Variants in FGGY observed in about 807,000 individuals in gnomAD.
FGGY encodes the protein FGGY carbohydrate kinase domain containing.
FGGY carries 72 observed loss-of-function variants against 71.3 expected under a neutral mutation model. That is an observed-to-expected ratio of 1.01 (90% confidence interval 0.84 to 1.23). The LOEUF (loss-of-function observed/expected upper bound fraction) is 1.23, where lower values mean the gene tolerates loss of function less well. Among genes scored for constraint, FGGY ranks in the 50% most tolerant of loss-of-function variants. The pLI is 0.00. For missense variants in FGGY, 668 were observed against 682.3 expected, an observed-to-expected ratio of 0.98 and a Z score of 0.23; for synonymous variants, 251 against 250.3, an observed-to-expected ratio of 1.00 and a Z score of -0.02.
chr1:59,535,383 G>T (rs1313976106), intron 7 of FGGY, among the ~76,000 whole-genome samples: 1 of 152,036 alleles, frequency 6.6e-6, no homozygotes, highest in East Asian at 1.9e-4. Flanking sequence ...ATTAATAATG[G>T]GAGACTTTAA....
chr1:59,679,755 T>C (rs2097477053), intron 14 of FGGY, among the ~76,000 whole-genome samples: 1 of 152,178 alleles, frequency 6.6e-6, no homozygotes, highest in South Asian at 2.1e-4. Context: ...ACCTTTTTCC[T>C]ATACTCAAAA....
intron 9 of FGGY, among the ~76,000 whole-genome samples, chr1:59,622,801 CA>C (rs544703169): frequency 5.9e-5 from 9 of 152,236 alleles, no homozygotes; most frequent in Middle Eastern, 3.4e-3. Flanking sequence ...CACCCATGGG[CA>C]AAAATGTATA....
intron 15 of FGGY, 77 bp downstream of exon 15, chr1:59,758,069 A>G (rs1327956387): frequency 9.6e-7 from 1 of 1,046,324 alleles, no homozygotes; most frequent in Admixed American, 2.3e-5. Context: ...TAGATCTGGA[A>G]TAAACTCAGG....
intron 7 of FGGY, among the ~76,000 whole-genome samples, chr1:59,545,540 A>G (rs2095507373): frequency 6.6e-6 from 1 of 152,196 alleles, no homozygotes; most frequent in Non-Finnish European, 1.5e-5. Flanking sequence ...GAAGAAAGGA[A>G]TTTCTGACAT....
chr1:59,731,267 C>T (rs752053610), intron 14 of FGGY, among the ~76,000 whole-genome samples: 2 of 152,104 alleles, frequency 1.3e-5, no homozygotes, highest in East Asian at 3.8e-4. Context: ...TCAAAGAAGG[C>T]GGGAAAGAAA....
In FGGY at chr1:59,584,506, G is replaced by C. The variant is rs183493007; in HGVS notation, c.904-23297G>C. Among the ~76,000 whole-genome samples, 26 of 150,068 alleles carry C rather than the reference G, an allele frequency of 1.7e-4. No homozygotes were observed. In the East Asian group the frequency reaches 4.9e-3, roughly 28 times the overall value. Reference sequence around the variant, plus strand: ...AAAAACTCTCAATAAATTAGGTATTGATGGGACGTATCTCAAAATAATAAG... The same window carrying C: ...AAAAACTCTCAATAAATTAGGTATTCATGGGACGTATCTCAAAATAATAAG... On this transcript the variant is annotated intron_variant, in intron 8 of 15. Coordinates refer to ENST00000303721, the MANE Select transcript of FGGY (RefSeq NM_018291.5).
At chr1:59,602,861 A>G (rs2096590852) in intron 8 of FGGY, among the ~76,000 whole-genome samples, 2 of 151,922 alleles carry the variant, frequency 1.3e-5, no homozygotes, top group Non-Finnish European at 2.9e-5. Flanking sequence ...TTTTATTTCT[A>G]CCTGGCTGCC....
intron 9 of FGGY, among the ~76,000 whole-genome samples, chr1:59,614,959 T>A (rs1358543574): frequency 2.0e-5 from 3 of 152,180 alleles, no homozygotes; most frequent in Non-Finnish European, 2.9e-5. Flanking sequence ...GAATGACCTC[T>A]TCAAGGAGAA....
chr1:59,533,075 T>C (rs1336186170), intron 7 of FGGY, among the ~76,000 whole-genome samples: 1 of 152,222 alleles, frequency 6.6e-6, no homozygotes, highest in Non-Finnish European at 1.5e-5. Flanking sequence ...CGGTGATTTC[T>C]GCATTTCCGT....
intron 5 of FGGY, among the ~76,000 whole-genome samples, chr1:59,379,745 A>C (rs898902936): frequency 3.9e-5 from 6 of 152,124 alleles, no homozygotes; most frequent in African/African-American, 1.4e-4. Context: ...AAACACAAAC[A>C]CATTATACAG....
intron 8 of FGGY, among the ~76,000 whole-genome samples, chr1:59,568,264 AGTGTG>A (rs1382579141): frequency 1.3e-5 from 2 of 152,192 alleles, no homozygotes; most frequent in Non-Finnish European, 2.9e-5. Flanking sequence ...GGGTTGAAGA[AGTGTG>A]GTAGACCTGT....
rs1231973368 is a variant in FGGY at position 59,585,506 on chromosome 1, T to C, written c.904-22297T>C. Among the ~76,000 whole-genome samples, 10 of 152,190 alleles carry C rather than the reference T, an allele frequency of 6.6e-5. 1 individual carries two copies. Among genetic ancestry groups the C allele is most frequent in the Admixed American group, 6.5e-4 (10 of 15,284 alleles). ...AACTGGATCCCTTCCTTACACCCTATACAAAAATTAATTCAAAATGGATTA... is the reference window on the plus strand; with the variant it reads ...AACTGGATCCCTTCCTTACACCCTACACAAAAATTAATTCAAAATGGATTA... On this transcript the variant is annotated intron_variant, in intron 8 of 15. Transcript: ENST00000303721.
intron 14 of FGGY, among the ~76,000 whole-genome samples, chr1:59,684,284 GTTAC>G (rs774883567): frequency 2.6e-5 from 4 of 152,178 alleles, no homozygotes; most frequent in Admixed American, 6.5e-5. Context: ...CCTTGGGTGA[GTTAC>G]TTAGTTTCTC....
At chr1:59,393,378 C>T (rs999169049) in intron 5 of FGGY, 5 of 152,206 alleles carry the variant, frequency 3.3e-5, no homozygotes, top group African/African-American at 9.6e-5. Context: ...CTGAGCCAAC[C>T]GTGAAGTCAT....
chr1:59,718,241 C>G (rs6701583), intron 14 of FGGY, among the ~76,000 whole-genome samples: 42,611 of 152,164 alleles, frequency 0.28, 6,207 homozygotes, highest in Middle Eastern at 0.37. Flanking sequence ...TTCTTTCTAT[C>G]AGATCACACT....
chr1:59,370,027 G>A (rs11582745), intron 4 of FGGY, among the ~76,000 whole-genome samples: 12 of 152,290 alleles, frequency 7.9e-5, no homozygotes, highest in African/African-American at 1.2e-4. Flanking sequence ...CCAAAGGATC[G>A]CAGTTCCTCA....
intron 8 of FGGY, among the ~76,000 whole-genome samples, chr1:59,588,944 A>G (rs4462171): frequency 0.11 from 16,372 of 152,224 alleles, 1,053 homozygotes; most frequent in South Asian, 0.3. Context: ...TAACAATATT[A>G]ACTTTAAATG....
At position 59,540,660 on chromosome 1, in the gene FGGY, G is replaced by A. The variant is rs559121763; in HGVS notation, c.800-13464G>A. Among the ~76,000 whole-genome samples, 152 of 152,308 alleles carry A rather than the reference G, an allele frequency of 1.0e-3. 1 individual carries two copies. The highest frequency in any genetic ancestry group is 3.4e-3 in the Middle Eastern group (1 of 294). On this transcript the variant is annotated intron_variant, in intron 7 of 15. Transcript: ENST00000303721. ...TACTTAAAATCTGTAGCTTTTTAAT[G>A]TAGGTTATACTTCATTGATAAGGTT...
intron 14 of FGGY, among the ~76,000 whole-genome samples, chr1:59,689,056 T>C (rs528211686): frequency 1.8e-4 from 27 of 152,218 alleles, no homozygotes; most frequent in African/African-American, 6.5e-4. Context: ...GGCCTAGACA[T>C]TTTTTTAAAA....
Sources: allele counts gnomAD v4.1 joint callset (sites outside exome capture counted in the v4.1 genomes callset), GRCh38; gene constraint gnomAD v4.1.1; transcripts MANE v1.5; gene names NCBI Gene and HGNC (gene_info 2026-07-23, HGNC 2026-07-21).